MAP3K2: variants seen among roughly 807,000 people sequenced by gnomAD.
MAP3K2 encodes the protein mitogen-activated protein kinase kinase kinase 2.
In MAP3K2, 24 loss-of-function variants were observed where a neutral mutation model predicts 80.3. The ratio of observed to expected loss-of-function variants is 0.30; its 90% CI spans 0.22 to 0.42. MAP3K2 has a LOEUF of 0.42. Among genes scored for constraint, MAP3K2 ranks in the 10% least tolerant of loss-of-function variants. The probability of loss-of-function intolerance (pLI) is 1.00; values close to 1 mark genes in which losing one functional copy is unlikely to be tolerated. For missense variants in MAP3K2, 608 were observed against 750.1 expected (o/e 0.81, Z 2.21); for synonymous variants, 244 against 253.7 (o/e 0.96, Z 0.36).
At chr2:127,358,636 AAG>A (rs1686832927) in intron 1 of MAP3K2, among the ~76,000 whole-genome samples, 1 of 152,246 alleles carries the variant, frequency 6.6e-6, no homozygotes, top group Admixed American at 6.5e-5. Flanking sequence ...TACTAAGTGA[AAG>A]AAGCCAATCT....
chr2:127,373,539 G>A (rs188243255), intron 1 of MAP3K2, among the ~76,000 whole-genome samples: 4 of 152,278 alleles, frequency 2.6e-5, no homozygotes, highest in Admixed American at 1.3e-4. Context: ...TGCTGCCCTA[G>A]ACTCTCCTAG....
chr2:127,328,144 G>A (rs890318451), intron 7 of MAP3K2, among the ~76,000 whole-genome samples: 4 of 152,100 alleles, frequency 2.6e-5, no homozygotes, highest in South Asian at 2.1e-4. Context: ...GCATGGTGGC[G>A]GGCGCCTGTA....
chr2:127,332,207 T>C (rs752537554), intron 5 of MAP3K2, among the ~76,000 whole-genome samples: 1 of 152,248 alleles, frequency 6.6e-6, no homozygotes, highest in Non-Finnish European at 1.5e-5. Flanking sequence ...TATTGGTATA[T>C]CTTGCTTCTA....
rs1686683203 is a variant in MAP3K2 at position 127,351,018 on chromosome 2, T to C, written c.-65-7824A>G. On this transcript the variant is annotated intron_variant, in intron 1 of 16. Transcript: ENST00000682094. ...AGGGAAGCATTAGACAAATCTCAAT[T>C]GAGAAATAGTCTAAGAATTAACTGC... is the stretch of plus-strand genomic sequence containing the variant. Among the ~76,000 whole-genome samples, 3 of 152,124 alleles carry C rather than the reference T, an allele frequency of 2.0e-5. No homozygotes were observed. In the South Asian group the frequency reaches 6.2e-4, roughly 31 times the overall value.
chr2:127,324,047 T>C, intron 10 of MAP3K2, 53 bp from the exon 11 acceptor site: 4 of 1,119,022 alleles, frequency 3.6e-6, no homozygotes. Context: ...AAGTTAAATA[T>C]TTCTAATGAT....
chr2:127,312,154 G>A (rs944731328), intron 15 of MAP3K2, among the ~76,000 whole-genome samples: 5 of 152,114 alleles, frequency 3.3e-5, no homozygotes, highest in African/African-American at 1.2e-4. Flanking sequence ...AATGTTTAAT[G>A]CAATATCTGT....
At chr2:127,337,705 CAATT>C in intron 4 of MAP3K2, 29 bp downstream of exon 4, 1 of 1,245,102 alleles carries the variant, frequency 8.0e-7, no homozygotes, top group Non-Finnish European at 1.1e-6. Flanking sequence ...TTGATTAAAT[CAATT>C]AATTAACATG....
intron 7 of MAP3K2, 117 bp downstream of exon 7, chr2:127,329,802 AGG>A: frequency 3.2e-6 from 2 of 619,934 alleles, no homozygotes; most frequent in Non-Finnish European, 5.6e-6. Context: ...ATTAAATTAT[AGG>A]AAGTAGAGAA....
At chr2:127,388,066 C>G (rs1382531281), upstream of MAP3K2, 1 of 983,788 alleles carries the variant, frequency 1.0e-6, no homozygotes, top group Non-Finnish European at 1.2e-6. Context: ...CGGGCGCGCG[C>G]CCGGCCCAGG....
intron 1 of MAP3K2, among the ~76,000 whole-genome samples, chr2:127,345,208 T>C (rs961010053): frequency 2.0e-5 from 3 of 152,090 alleles, no homozygotes; most frequent in South Asian, 2.1e-4. Context: ...AGATATACTA[T>C]GCAAACAGTA....
upstream of MAP3K2, chr2:127,388,192 C>T (rs1217482800): frequency 1.0e-6 from 1 of 984,926 alleles, no homozygotes; most frequent in Admixed American, 6.2e-5. Context: ...TCGGCCCCGC[C>T]CCCGCCCCTG....
intron 4 of MAP3K2, among the ~76,000 whole-genome samples, chr2:127,336,495 T>C (rs1686376028): frequency 6.6e-6 from 1 of 152,328 alleles, no homozygotes; most frequent in East Asian, 1.9e-4. Context: ...AAGACTGGCC[T>C]GTGCTGCCCC....
chr2:127,330,354 C>T lies in MAP3K2; in HGVS notation c.378+38G>A, dbSNP rs756863680. 4.1e-6 allele frequency: 4 copies of T among 980,828 alleles called. No individual in the cohort carries two copies. In the South Asian group the frequency reaches 4.6e-5, roughly 11 times the overall value. The allele number at this position is 980,828 out of a possible 1,614,324, so 60.8% of individuals were successfully genotyped here. ...TATGTTAACTTTTACAAGCCTAAGT[C>T]CTATAATTCTTACTGAAAAAAATAT... On this transcript the variant is annotated intron_variant, in intron 6 of 16. Transcript: ENST00000682094.
chr2:127,379,962 T>C (rs554004133), intron 1 of MAP3K2, among the ~76,000 whole-genome samples: 1 of 152,306 alleles, frequency 6.6e-6, no homozygotes, highest in African/African-American at 2.4e-5. Context: ...TTAAAAGCAG[T>C]ACTGAAATCA....
chr2:127,326,751 G>C lies in MAP3K2; in HGVS notation c.533C>G (p.Ala178Gly). Residue 178 changes from alanine (A) to glycine (G), a missense_variant, in exon 8 of 17, where the codon GCC (alanine) becomes GGC (glycine). By Grantham distance (60) the Ala-to-Gly change is moderately conservative. This residue lies in a region of MAP3K2 where 467 missense variants were observed against 521.9 expected (regional missense o/e 0.89). Transcript: ENST00000682094. ...GATACTAGTGAATGACCCATTCCGGGCAACCTGGTGTAATTCATCTGGAAT... is the reference window on the plus strand; with the variant it reads ...GATACTAGTGAATGACCCATTCCGGCCAACCTGGTGTAATTCATCTGGAAT... ...GYIPDELHQV[A>G]RNGSFTSINS... 6.2e-7 allele frequency: 1 copy of C among 1,606,752 alleles called. No individual in the cohort carries two copies. Among genetic ancestry groups the C allele is most frequent in the Non-Finnish European group, 8.5e-7 (1 of 1,175,600 alleles).
At position 127,387,704 on chromosome 2, in the gene MAP3K2, G is replaced by T. The variant is rs1687396309; in HGVS notation, c.-318C>A. On this transcript the variant is annotated 5_prime_UTR_variant, in exon 1 of 17. Coordinates refer to ENST00000682094, the MANE Select transcript of MAP3K2 (RefSeq NM_001371910.2). ...TCCTCGCAGCCGGCCGGGTCCTCCT[G>T]GCGCTCCTCGGCACTTCTAGCCGCT... 3 of 985,166 alleles carry T rather than the reference G, an allele frequency of 3.0e-6. No homozygotes were observed. Among genetic ancestry groups the T allele is most frequent in the African/African-American group, 1.7e-5 (1 of 57,172 alleles). 61.0% of individuals were successfully genotyped at this position (985,166 alleles called of 1,614,324 possible).
Position 127,339,069 on chromosome 2 carries a change from A to T in MAP3K2, c.5-19T>A, listed in dbSNP as rs1686427808. ...TGATCATCTAGGTAGTTTTGAAACA[A>T]CACATACATAGAATTGTAATTGTGA... On this transcript the variant is annotated intron_variant, in intron 2 of 16. Transcript: ENST00000682094. The surrounding 1 kb of genome is among the most constrained non-coding windows in gnomAD (Gnocchi z 4.2). 1.3e-5 allele frequency: 18 copies of T among 1,413,718 alleles called. No individual in the cohort carries two copies. Among genetic ancestry groups the T allele is most frequent in the Non-Finnish European group, 1.8e-5 (18 of 1,007,386 alleles). 87.6% of individuals were successfully genotyped at this position (1,413,718 alleles called of 1,614,324 possible).
chr2:127,357,108 G>A (rs888166581), intron 1 of MAP3K2, among the ~76,000 whole-genome samples: 1 of 152,130 alleles, frequency 6.6e-6, no homozygotes, highest in South Asian at 2.1e-4. Flanking sequence ...TTTGACAAAA[G>A]AACGGCAAGA....
intron 8 of MAP3K2, 42 bp downstream of exon 8, chr2:127,326,645 C>T: frequency 6.9e-7 from 1 of 1,449,994 alleles, no homozygotes; most frequent in Non-Finnish European, 9.2e-7. Context: ...ACCCTGACAA[C>T]ATCTCTTTAA....
Sources: gnomAD v4.1 joint callset for allele counts (sites outside exome capture counted in the v4.1 genomes callset) on GRCh38, gnomAD v4.1.1 for gene constraint, gnomAD v4.1.1 regional missense constraint, Gnocchi (gnomAD v3.1) non-coding constraint, MANE v1.5 for transcripts, NCBI Gene and HGNC (gene_info 2026-07-23, HGNC 2026-07-21) for gene names.